ZBTB16: variants seen among roughly 807,000 people sequenced by gnomAD.
ZBTB16 encodes zinc finger and BTB domain containing 16.
A neutral mutation model predicts 56.8 loss-of-function variants in ZBTB16; 8 were observed. The observed-to-expected ratio is 0.14, with a 90% CI of 0.08 to 0.25. The LOEUF (loss-of-function observed/expected upper bound fraction) is 0.25. Among genes scored for constraint, ZBTB16 ranks in the 10% least tolerant of loss-of-function variants. The probability of loss-of-function intolerance (pLI) is 1.00; values close to 1 mark genes in which losing one functional copy is unlikely to be tolerated. For synonymous variants in ZBTB16, 363 were observed against 368.5 expected (o/e 0.98, Z 0.17); for missense variants, 625 against 903.0 (o/e 0.69, Z 3.95).
intron 2 of ZBTB16, among the ~76,000 whole-genome samples, chr11:114,104,437 C>T (rs1207295060): frequency 6.6e-6 from 1 of 152,218 alleles, no homozygotes; most frequent in Non-Finnish European, 1.5e-5. Flanking sequence ...GCTATCTCTG[C>T]TTTGCCTTTT....
chr11:114,172,613 C>T (rs144489614), intron 3 of ZBTB16, among the ~76,000 whole-genome samples: 1 of 152,310 alleles, frequency 6.6e-6, no homozygotes, highest in East Asian at 1.9e-4. Flanking sequence ...TTTCTCCCAG[C>T]CCACAGCTCA....
chr11:114,167,232 G>GTTT (rs58946694), intron 3 of ZBTB16, among the ~76,000 whole-genome samples: 6,752 of 88,428 alleles, frequency 0.076, 1,003 homozygotes, highest in East Asian at 0.12. Flanking sequence ...TTTTTTTTTG[G>GTTT]TTTTTTTTTT....
chr11:114,167,905 C>T (rs538965650), intron 3 of ZBTB16, among the ~76,000 whole-genome samples: 13 of 152,294 alleles, frequency 8.5e-5, no homozygotes, highest in South Asian at 8.3e-4. Context: ...GCCCGACCGG[C>T]GAGCGTTCCT....
At chr11:114,243,190 C>T (rs1306718776) in intron 5 of ZBTB16, among the ~76,000 whole-genome samples, 1 of 152,182 alleles carries the variant, frequency 6.6e-6, no homozygotes, top group Non-Finnish European at 1.5e-5. Context: ...AAAGGAATGC[C>T]CATTTCTGAG....
intron 2 of ZBTB16, among the ~76,000 whole-genome samples, chr11:114,101,128 C>T (rs1286772247): frequency 6.6e-6 from 1 of 152,016 alleles, no homozygotes; most frequent in East Asian, 1.9e-4. Flanking sequence ...CATTAGCCTC[C>T]CAAGTAGCTG....
intron 2 of ZBTB16, among the ~76,000 whole-genome samples, chr11:114,144,576 C>T (rs11606390): frequency 0.18 from 27,395 of 152,072 alleles, 2,600 homozygotes; most frequent in African/African-American, 0.22. Context: ...AGCTTCTTGC[C>T]GCAGCCTGCT....
intron 2 of ZBTB16, among the ~76,000 whole-genome samples, chr11:114,142,063 A>C (rs1941964510): frequency 6.6e-6 from 1 of 152,214 alleles, no homozygotes; most frequent in Admixed American, 6.5e-5. Context: ...ATGCTTAATG[A>C]ATGACTGAAA....
At position 114,225,783 on chromosome 11, in the gene ZBTB16, C is replaced by T. The variant is rs61053079; in HGVS notation, c.1454-16384C>T. On this transcript the variant is annotated intron_variant, in intron 4 of 6. Coordinates refer to ENST00000335953, the MANE Select transcript of ZBTB16 (RefSeq NM_006006.6). ...GCCCACTGATTTAAATATCTGTACC[C>T]CACACCCTTCTTCACCCAGCCACTG... Among the ~76,000 whole-genome samples the T allele has an allele frequency of 1.4e-3, 216 of 152,264 alleles. 2 individuals are homozygous for T. The highest frequency in any genetic ancestry group is 4.9e-3 in the African/African-American group (205 of 41,556).
At chr11:114,168,168 A>G (rs745690322) in intron 3 of ZBTB16, among the ~76,000 whole-genome samples, 1 of 152,242 alleles carries the variant, frequency 6.6e-6, no homozygotes, top group Non-Finnish European at 1.5e-5. Context: ...AATGGTGGTT[A>G]TAACTCAGTC....
chr11:114,089,162 G>C (rs1035214388), intron 2 of ZBTB16, among the ~76,000 whole-genome samples: 1 of 152,182 alleles, frequency 6.6e-6, no homozygotes, highest in Non-Finnish European at 1.5e-5. Flanking sequence ...AGGGATCTGC[G>C]GGGAGCGTTG....
intron 4 of ZBTB16, among the ~76,000 whole-genome samples, chr11:114,240,269 C>T (rs572812028): frequency 1.3e-4 from 20 of 152,282 alleles, no homozygotes; most frequent in Admixed American, 3.9e-4. Context: ...CTAGTCCATC[C>T]TAACCCAGCC....
intron 2 of ZBTB16, among the ~76,000 whole-genome samples, chr11:114,106,654 A>G (rs1341937383): frequency 1.3e-4 from 20 of 151,990 alleles, no homozygotes; most frequent in Admixed American, 1.3e-3. Flanking sequence ...AAATTTTTTT[A>G]GTAGAGTTGG....
At chr11:114,233,196 A>C (rs969094322) in intron 4 of ZBTB16, among the ~76,000 whole-genome samples, 1 of 151,256 alleles carries the variant, frequency 6.6e-6, no homozygotes, top group African/African-American at 2.4e-5. Flanking sequence ...TCATTCTGGA[A>C]TGTCTGGAAG....
chr11:114,063,274 C>T lies in ZBTB16; in HGVS notation c.-27C>T. On this transcript the variant is annotated 5_prime_UTR_variant, in exon 2 of 7. Coordinates refer to ENST00000335953, the MANE Select transcript of ZBTB16 (RefSeq NM_006006.6). The surrounding 1 kb of genome is among the most constrained non-coding windows in gnomAD (Gnocchi z 6.5). ...ACGCAGAGCCCAGAAGGAAAGAAAG[C>T]CTCATGCCTGAGCCGAGGGGAGCAC... is the stretch of plus-strand genomic sequence containing the variant. 1 of 1,611,930 alleles carries T rather than the reference C, an allele frequency of 6.2e-7. No homozygotes were observed. The highest frequency in any genetic ancestry group is 2.2e-5 in the East Asian group (1 of 44,842).
rs560303368 is a variant in ZBTB16, at chr11:114,175,604, A to T, written c.1367-11348A>T. Among the ~76,000 whole-genome samples, 221 of 151,782 alleles carry T rather than the reference A, an allele frequency of 1.5e-3. 1 individual carries two copies. Among genetic ancestry groups the T allele is most frequent in the Non-Finnish European group, 2.4e-3 (160 of 67,932 alleles). ...CCGAGTAGCTGGGAGAGGACAGGGG[A>T]TTCTGAGACCCAAGCAATGAAGGAA... is the stretch of plus-strand genomic sequence containing the variant. On this transcript the variant is annotated intron_variant, in intron 3 of 6. Coordinates refer to ENST00000335953, the MANE Select transcript of ZBTB16 (RefSeq NM_006006.6).
intron 5 of ZBTB16, among the ~76,000 whole-genome samples, chr11:114,245,025 GA>G (rs1483915224): frequency 1.3e-5 from 2 of 152,232 alleles, no homozygotes; most frequent in Non-Finnish European, 2.9e-5. Flanking sequence ...TAAGGAGGGG[GA>G]GTTGGATGTC....
intron 3 of ZBTB16, among the ~76,000 whole-genome samples, chr11:114,159,949 G>A (rs191027216): frequency 0.039 from 5,689 of 145,058 alleles, 378 homozygotes; most frequent in Admixed American, 0.095. Context: ...GGGGGGAGGC[G>A]AGCATTTTTT....
intron 3 of ZBTB16, among the ~76,000 whole-genome samples, chr11:114,163,024 C>T (rs1184790923): frequency 3.3e-5 from 5 of 152,216 alleles, no homozygotes; most frequent in Non-Finnish European, 5.9e-5. Flanking sequence ...CAAGAACACA[C>T]TGTACCCAAA....
At chr11:114,150,559 G>A (rs980622057) in intron 2 of ZBTB16, among the ~76,000 whole-genome samples, 1 of 152,172 alleles carries the variant, frequency 6.6e-6, no homozygotes, top group Admixed American at 6.5e-5. Context: ...GCTTTGGGGA[G>A]GAAATACTGA....
Sources: allele counts gnomAD v4.1 joint callset (sites outside exome capture counted in the v4.1 genomes callset), GRCh38; gene constraint gnomAD v4.1.1; non-coding constraint Gnocchi (gnomAD v3.1); transcripts MANE v1.5; gene names NCBI Gene and HGNC (gene_info 2026-07-23, HGNC 2026-07-21).